Variants in CELSR1 observed in about 807,000 individuals in gnomAD.
The protein encoded by CELSR1 is adhesion G protein-coupled receptor C1.
A neutral mutation model predicts 249.1 loss-of-function variants in CELSR1; 110 were observed. The ratio of observed to expected loss-of-function variants is 0.44; its 90% CI spans 0.38 to 0.52. The LOEUF (loss-of-function observed/expected upper bound fraction) is 0.52, where lower values mean the gene tolerates loss of function less well. Ranked by LOEUF, CELSR1 falls within the 20% of genes least tolerant of loss-of-function variation. The pLI, the probability that CELSR1 is intolerant of heterozygous loss-of-function variation, is 0.00. For missense variants in CELSR1, 4,109 were observed against 4,296.4 expected (o/e 0.96, Z 1.22); for synonymous variants, 2,113 against 1,900.0 (o/e 1.11, Z -2.92).
intron 3 of CELSR1, among the ~76,000 whole-genome samples, chr22:46,438,363 C>G (rs1439187915): frequency 4.6e-5 from 7 of 152,076 alleles, no homozygotes; most frequent in Admixed American, 6.6e-5. Flanking sequence ...AGGCGCCCCC[C>G]AACCCGGCCC....
chr22:46,413,365 G>A lies in CELSR1; in HGVS notation c.4612-1606C>T, dbSNP rs955452857. Among the ~76,000 whole-genome samples the A allele has an allele frequency of 2.0e-5, 3 of 152,240 alleles. No individual in the cohort carries two copies. Among genetic ancestry groups the A allele is most frequent in the African/African-American group, 7.2e-5 (3 of 41,464 alleles). On this transcript the variant is annotated intron_variant, in intron 5 of 34. Coordinates refer to ENST00000674500, the MANE Select transcript of CELSR1 (RefSeq NM_001378328.1). This position sits in a 1 kb window ranked among gnomAD's most constrained non-coding sequence, Gnocchi z 4.7. ...CAGGCAGCACGCCCTGCCTGGAGTT[G>A]TGCAGTGGGCAGCCTGCACAACTGT... is the stretch of plus-strand genomic sequence containing the variant.
At chr22:46,443,588 A>G (rs1185567868) in intron 2 of CELSR1, among the ~76,000 whole-genome samples, 2 of 152,222 alleles carry the variant, frequency 1.3e-5, no homozygotes, top group Non-Finnish European at 2.9e-5. Context: ...ACATTTGCAC[A>G]ATGCTTATAA....
At chr22:46,375,539 C>CTTTTT (rs971800051) in intron 24 of CELSR1, among the ~76,000 whole-genome samples, 1 of 120,584 alleles carries the variant, frequency 8.3e-6, no homozygotes, top group Non-Finnish European at 1.7e-5. Context: ...CTGCCAGGCT[C>CTTTTT]TTTTTTTTTT....
At chr22:46,379,064 T>C (rs919748640) in intron 22 of CELSR1, among the ~76,000 whole-genome samples, 1 of 152,170 alleles carries the variant, frequency 6.6e-6, no homozygotes, top group African/African-American at 2.4e-5. Context: ...GCAGCAAAAC[T>C]CAAATGGGGC....
Position 46,537,020 on chromosome 22 carries a change from C to T in CELSR1, c.151G>A (p.Ala51Thr), listed in dbSNP as rs2147833527. The T allele has an allele frequency of 9.0e-7, 1 of 1,107,972 alleles. No homozygotes were observed. Among genetic ancestry groups the T allele is most frequent in the East Asian group, 6.0e-5 (1 of 16,692 alleles). The allele number at this position is 1,107,972 out of a possible 1,614,324, so 68.6% of individuals were successfully genotyped here. Residue 51 changes from alanine to threonine, a missense_variant, in exon 1 of 35, where the codon GCG becomes ACG. Physicochemically the swap from Ala to Thr is moderately conservative, Grantham distance 58 (BLOSUM62 0). Transcript: ENST00000674500. This position sits in a 1 kb window ranked among gnomAD's most constrained non-coding sequence, Gnocchi z 5.8. ...CGGGGCGTGCAAGCGGCGCCCACCG[C>T]GTAGGTACAGCCGGGCCGGAGGGCG... The part of the protein sequence containing the change: ...AFALRPGCTY[A>T]VGAACTPRAP...
At position 46,433,363 on chromosome 22, in the gene CELSR1, G is replaced by T. The variant is rs760866929; in HGVS notation, c.4611+30C>A. 1.3e-5 allele frequency: 20 copies of T among 1,587,976 alleles called. No homozygotes were observed. In the South Asian group the frequency reaches 1.9e-4, roughly 15 times the overall value. The stretch of plus-strand genomic sequence containing the variant: ...GGGCACCTTCTCGAGCCGCCCTGGG[G>T]CCAGGGGGAAGTGGTGGGGCCCATC... On this transcript the variant is annotated intron_variant, in intron 5 of 34. Coordinates refer to ENST00000674500, the MANE Select transcript of CELSR1 (RefSeq NM_001378328.1). This position sits in a 1 kb window ranked among gnomAD's most constrained non-coding sequence, Gnocchi z 5.7.
rs574282822 is a variant in CELSR1, at chr22:46,439,009, C to T, written c.4406+180G>A. Among the ~76,000 whole-genome samples the T allele has an allele frequency of 5.5e-3, 837 of 152,290 alleles. 4 individuals are homozygous for T. The highest frequency in any genetic ancestry group is 8.6e-3 in the Admixed American group (132 of 15,300). ...CCAACCTCAGGTGATCCACCCGCCT[C>T]GGCCTCCCAAAGTGCTGGGATTACA... On this transcript the variant is annotated intron_variant, in intron 3 of 34. Transcript: ENST00000674500.
rs939573231 is a variant in CELSR1 at position 46,391,322 on chromosome 22, G to A, written c.6149-35C>T. 2.5e-6 allele frequency: 4 copies of A among 1,580,034 alleles called. No homozygotes were observed. Among genetic ancestry groups the A allele is most frequent in the Non-Finnish European group, 3.5e-6 (4 of 1,151,692 alleles). ...AGAAGAGAGAAGTCTGCTCAGCGGG[G>A]CACGCCACACCCACGACCACAAACA... On this transcript the variant is annotated intron_variant, in intron 15 of 34. Transcript: ENST00000674500. This position sits in a 1 kb window ranked among gnomAD's most constrained non-coding sequence, Gnocchi z 4.3.
chr22:46,408,861 G>T lies in CELSR1; in HGVS notation c.5226+135C>A. 1.5e-6 allele frequency: 1 copy of T among 677,298 alleles called. No individual in the cohort carries two copies. The highest frequency in any genetic ancestry group is 2.4e-6 in the Non-Finnish European group (1 of 416,902). 42.0% of individuals were successfully genotyped at this position (677,298 alleles called of 1,614,324 possible). A position where few individuals can be genotyped will look rare whatever the true frequency, so the allele number is the denominator to read the frequency against. The stretch of plus-strand genomic sequence containing the variant: ...GCTGATATTCCCCTTCCCCCTCTTC[G>T]GAGAACCCCAGGGGCGGGCGCCGGA... On this transcript the variant is annotated intron_variant, in intron 9 of 34. Coordinates refer to ENST00000674500, the MANE Select transcript of CELSR1 (RefSeq NM_001378328.1). The surrounding 1 kb of genome is among the most constrained non-coding windows in gnomAD (Gnocchi z 4.6).
At chr22:46,384,776 C>G in intron 19 of CELSR1, 90 bp from the exon 20 acceptor site, 1 of 1,343,418 alleles carries the variant, frequency 7.4e-7, no homozygotes, top group Non-Finnish European at 1.0e-6. Context: ...GTCACACTGA[C>G]GCTGGCTGGC....
intron 23 of CELSR1, 53 bp downstream of exon 23, chr22:46,378,538 G>A (rs1235841077): frequency 2.6e-6 from 4 of 1,523,730 alleles, no homozygotes; most frequent in Middle Eastern, 1.7e-4. Context: ...GGGGGGGAGG[G>A]GCAGGTTTGG....
chr22:46,384,464 G>A (rs2079010851), intron 20 of CELSR1, 79 bp downstream of exon 20: 3 of 1,471,106 alleles, frequency 2.0e-6, no homozygotes, highest in Non-Finnish European at 2.7e-6. Context: ...CGCAGGTCCT[G>A]CGATGCCCGC....
intron 1 of CELSR1, among the ~76,000 whole-genome samples, chr22:46,482,640 A>G (rs1051214211): frequency 4.6e-5 from 7 of 152,206 alleles, no homozygotes; most frequent in African/African-American, 1.4e-4. Context: ...ACTTGAACCC[A>G]GGAGGCAAAG....
rs2147732224 is a variant in CELSR1 at position 46,500,940 on chromosome 22, C to T, written c.3544+32687G>A. ...CAAGTGCTGAGAACCCTGTTTCTAACACCCCTCCAGAGACCCAAAGATCTG... is the reference window on the plus strand; with the variant it reads ...CAAGTGCTGAGAACCCTGTTTCTAATACCCCTCCAGAGACCCAAAGATCTG... On this transcript the variant is annotated intron_variant, in intron 1 of 34. Coordinates refer to ENST00000674500, the MANE Select transcript of CELSR1 (RefSeq NM_001378328.1). This position sits in a 1 kb window ranked among gnomAD's most constrained non-coding sequence, Gnocchi z 4.9. 1.3e-5 allele frequency among the ~76,000 whole-genome samples: 2 copies of T among 152,296 alleles called. No individual in the cohort carries two copies. Among genetic ancestry groups the T allele is most frequent in the African/African-American group, 4.8e-5 (2 of 41,564 alleles).
In CELSR1 at chr22:46,398,047, C is replaced by T. The variant is rs2079170074; in HGVS notation, c.5527-199G>A. Among the ~76,000 whole-genome samples the T allele has an allele frequency of 6.6e-6, 1 of 152,146 alleles. No individual in the cohort carries two copies. The highest frequency in any genetic ancestry group is 1.5e-5 in the Non-Finnish European group (1 of 68,004). On this transcript the variant is annotated intron_variant, in intron 11 of 34. Coordinates refer to ENST00000674500, the MANE Select transcript of CELSR1 (RefSeq NM_001378328.1). The surrounding 1 kb of genome is among the most constrained non-coding windows in gnomAD (Gnocchi z 7.2). ...GTGCAGTGGAGGGCTGGGTGAGGAG[C>T]TCAGAGGGCACGCCAGCCTGAGCTC...
At chr22:46,376,321 A>G (rs1456553651) in intron 24 of CELSR1, among the ~76,000 whole-genome samples, 2 of 152,196 alleles carry the variant, frequency 1.3e-5, no homozygotes, top group Non-Finnish European at 2.9e-5. Flanking sequence ...TGGTTTTTAT[A>G]CTGCAATGCA....
chr22:46,422,758 C>T (rs1417017144), intron 5 of CELSR1, among the ~76,000 whole-genome samples: 6 of 122,034 alleles, frequency 4.9e-5, no homozygotes, highest in South Asian at 2.3e-4. Context: ...CAGAGCGAGA[C>T]TCCATCTCAA....
At position 46,367,794 on chromosome 22, in the gene CELSR1, G is replaced by A. The variant is rs375533703; in HGVS notation, c.8014C>T (p.Leu2672=). Residue 2672 remains leucine, a synonymous_variant, in exon 28 of 35, where the codon CTG becomes TTG. Transcript: ENST00000674500. ...AGTGCATCGCGGTTCACAGCCAGCA[G>A]CCCCAGCAGCCAGGTGGCGCTGATG... ...LLISATWLLG[L]LAVNRDALSF... is the part of the protein sequence containing the mutation. 1.4e-4 allele frequency: 229 copies of A among 1,611,400 alleles called. No individual in the cohort carries two copies. Among genetic ancestry groups the A allele is most frequent in the Middle Eastern group, 1.7e-4 (1 of 5,958 alleles).
chr22:46,386,624 G>A, intron 18 of CELSR1, 39 bp from the exon 19 acceptor site: 3 of 1,498,622 alleles, frequency 2.0e-6, no homozygotes, highest in Non-Finnish European at 2.7e-6. Context: ...AGCCTGCGGA[G>A]GCCTGGCTCG....
Sources: allele counts gnomAD v4.1 joint callset (sites outside exome capture counted in the v4.1 genomes callset), GRCh38; gene constraint gnomAD v4.1.1; non-coding constraint Gnocchi (gnomAD v3.1); transcripts MANE v1.5; gene names NCBI Gene and HGNC (gene_info 2026-07-23, HGNC 2026-07-21).